The following ATF1 variants were observed in gnomAD, a reference collection of about 807,000 sequenced individuals.
ATF1 encodes activating transcription factor 1, also known as cyclic AMP-dependent transcription factor ATF-1.
ATF1 carries 16 observed loss-of-function variants against 34.7 expected under a neutral mutation model. The ratio of observed to expected loss-of-function variants is 0.46; its 90% CI spans 0.31 to 0.70. The LOEUF (loss-of-function observed/expected upper bound fraction) is 0.70. Ranked by LOEUF, ATF1 falls within the 30% of genes least tolerant of loss-of-function variation. The pLI is 0.05. For synonymous variants in ATF1, 105 were observed against 113.1 expected (o/e 0.93, Z 0.46); for missense variants, 255 against 321.6 (o/e 0.79, Z 1.58).
rs1192258164 is a variant in ATF1, at chr12:50,782,554, CTT to C, written c.93+2335_93+2336del. 8.9e-3 allele frequency among the ~76,000 whole-genome samples: 1,110 copies of C among 124,838 alleles called. 20 individuals are homozygous for C. The highest frequency in any genetic ancestry group is 0.031 in the African/African-American group (1,040 of 33,056). The allele number at this position is 124,838 out of a possible 152,430, so 81.9% of individuals were successfully genotyped here. ...ACAGGCCTGAGCCACCACACCCGGC[CTT>C]TTTTTTTTTTTTTTTTTTAGTAGAG... On this transcript the variant is annotated intron_variant, in intron 2 of 6. Transcript: ENST00000262053.
At chr12:50,810,394 T>C (rs61926335) in intron 4 of ATF1, among the ~76,000 whole-genome samples, 4,184 of 151,816 alleles carry the variant, frequency 0.028, 99 homozygotes, top group Non-Finnish European at 0.041. Context: ...ATTTTTGCAT[T>C]TTTAGTAGAG....
At chr12:50,800,746 A>G (rs1275493267) in intron 3 of ATF1, among the ~76,000 whole-genome samples, 1 of 152,218 alleles carries the variant, frequency 6.6e-6, no homozygotes, top group Non-Finnish European at 1.5e-5. Context: ...TATCCATGGA[A>G]AAATTGTCTT....
intron 4 of ATF1, among the ~76,000 whole-genome samples, chr12:50,810,365 GTA>G: frequency 6.6e-6 from 1 of 151,404 alleles, no homozygotes; most frequent in Non-Finnish European, 1.5e-5. Flanking sequence ...TTACAGGCGT[GTA>G]CCACTTCGCT....
rs866106630 is a variant in ATF1 at position 50,814,306 on chromosome 12, C to T, written c.538C>T (p.Gln180Ter). 2 of 1,614,214 alleles carry T rather than the reference C, an allele frequency of 1.2e-6. No homozygotes were observed. The highest frequency in any genetic ancestry group is 1.7e-6 in the Non-Finnish European group (2 of 1,180,032). ...QTASGDMQTY[Q>*]IRTTPSATSL... ...TGCATCAGGAGATATGCAAACATAT[C>T]AGATCCGAACTACACCTTCAGCTAC... Residue 180 changes from glutamine (Q) to a stop codon, truncating the protein, a stop_gained, in exon 6 of 7, where the codon CAG (glutamine) becomes TAG (stop). Coordinates refer to ENST00000262053, the MANE Select transcript of ATF1 (RefSeq NM_005171.5). LOFTEE classifies it high-confidence loss of function.
At chr12:50,766,646 TCCCTCCC>T (rs1940642760) in intron 1 of ATF1, among the ~76,000 whole-genome samples, 1 of 125,900 alleles carries the variant, frequency 7.9e-6, no homozygotes, top group South Asian at 3.0e-4. Flanking sequence ...CCCAATGCTA[TCCCTCCC>T]CCCTCCCCCC....
Position 50,816,592 on chromosome 12 carries a change from T to C in ATF1, c.671+2153T>C, listed in dbSNP as rs11169569. ...TCCATAAATATGCACAGAAACATTTTAATGGAAAAAACCATACAGGCCAGG... is the reference window on the plus strand; with the variant it reads ...TCCATAAATATGCACAGAAACATTTCAATGGAAAAAACCATACAGGCCAGG... On this transcript the variant is annotated intron_variant, in intron 6 of 6. Coordinates refer to ENST00000262053, the MANE Select transcript of ATF1 (RefSeq NM_005171.5). Among the ~76,000 whole-genome samples, 1,011 of 152,012 alleles carry C rather than the reference T, an allele frequency of 6.7e-3. 34 individuals are homozygous for C. The East Asian group carries it at 0.1, about 16-fold the overall frequency.
intron 2 of ATF1, among the ~76,000 whole-genome samples, chr12:50,782,001 C>T (rs145396015): frequency 2.7e-4 from 41 of 150,890 alleles, no homozygotes; most frequent in African/African-American, 9.2e-4. Flanking sequence ...GTTAACAATA[C>T]ACAAAGTTCA....
intron 4 of ATF1, among the ~76,000 whole-genome samples, chr12:50,811,928 A>G (rs942750944): frequency 4.6e-5 from 7 of 152,242 alleles, no homozygotes; most frequent in Non-Finnish European, 8.8e-5. Context: ...TTAGGGCAAC[A>G]TAGGCCAATA....
chr12:50,774,326 C>T (rs1940857048), intron 1 of ATF1, among the ~76,000 whole-genome samples: 1 of 152,264 alleles, frequency 6.6e-6, no homozygotes, highest in East Asian at 1.9e-4. Flanking sequence ...TGAGCCACCG[C>T]GCCCGGCTGC....
At chr12:50,811,388 T>C (rs1941734195) in intron 4 of ATF1, among the ~76,000 whole-genome samples, 1 of 152,166 alleles carries the variant, frequency 6.6e-6, no homozygotes, top group Non-Finnish European at 1.5e-5. Context: ...GAACCTTTTG[T>C]TTCATTCACA....
chr12:50,802,600 C>T (rs143991449), intron 3 of ATF1, among the ~76,000 whole-genome samples: 11 of 151,924 alleles, frequency 7.2e-5, no homozygotes, highest in East Asian at 5.8e-4. Context: ...AGGCTGGGAG[C>T]GGTGGCTCAC....
intron 1 of ATF1, among the ~76,000 whole-genome samples, chr12:50,774,177 A>G (rs1021328317): frequency 1.3e-5 from 2 of 151,896 alleles, no homozygotes; most frequent in Non-Finnish European, 2.9e-5. Context: ...AATTACAGGC[A>G]TGTGCCACCA....
intron 2 of ATF1, among the ~76,000 whole-genome samples, chr12:50,783,058 TCTCA>T (rs1463796478): frequency 7.2e-6 from 1 of 138,460 alleles, no homozygotes; most frequent in Non-Finnish European, 1.5e-5. Context: ...ATGCCATTTC[TCTCA>T]CTAATTTTTT....
At chr12:50,802,777 C>T (rs768056451) in intron 3 of ATF1, among the ~76,000 whole-genome samples, 3 of 132,310 alleles carry the variant, frequency 2.3e-5, no homozygotes, top group Non-Finnish European at 4.6e-5. Context: ...GAGGCTGAGG[C>T]AGAAGATTCA....
chr12:50,788,339 C>T (rs10747592), intron 2 of ATF1: 250,795 of 386,784 alleles, frequency 0.65, 82,136 homozygotes, highest in South Asian at 0.69. Flanking sequence ...TGTGCCATCA[C>T]ATCCGGCTAA....
intron 3 of ATF1, among the ~76,000 whole-genome samples, chr12:50,805,848 C>T (rs994552239): frequency 1.3e-5 from 2 of 151,852 alleles, no homozygotes; most frequent in Non-Finnish European, 2.9e-5. Context: ...ATTTGCATTA[C>T]AGTGTTGAGA....
intron 3 of ATF1, among the ~76,000 whole-genome samples, chr12:50,805,875 G>T (rs1408329476): frequency 6.6e-6 from 1 of 152,160 alleles, no homozygotes; most frequent in Non-Finnish European, 1.5e-5. Flanking sequence ...ATAAAGCCAG[G>T]CACAGTGGCT....
In ATF1 at chr12:50,820,022, T is replaced by C; in HGVS notation, c.*243T>C. The C allele has an allele frequency of 3.2e-6, 1 of 308,226 alleles. No homozygotes were observed. The highest frequency in any genetic ancestry group is 5.9e-6 in the Non-Finnish European group (1 of 169,072). 19.1% of individuals were successfully genotyped at this position (308,226 alleles called of 1,614,324 possible). ...CATATTCAAGGAGCAAGAAATGAAC[T>C]TTCAGCAGTCTAAATTTTCTAAATA... is the stretch of plus-strand genomic sequence containing the variant. On this transcript the variant is annotated 3_prime_UTR_variant, in exon 7 of 7. Coordinates refer to ENST00000262053, the MANE Select transcript of ATF1 (RefSeq NM_005171.5).
At chr12:50,815,132 AT>A (rs1187525749) in intron 6 of ATF1, among the ~76,000 whole-genome samples, 1 of 151,892 alleles carries the variant, frequency 6.6e-6, no homozygotes, top group East Asian at 1.9e-4. Flanking sequence ...AAAAAAAAAA[AT>A]TTTTTTAACT....
Sources: gnomAD v4.1 joint callset for allele counts (sites outside exome capture counted in the v4.1 genomes callset) on GRCh38, gnomAD v4.1.1 for gene constraint, MANE v1.5 for transcripts, NCBI Gene and HGNC (gene_info 2026-07-23, HGNC 2026-07-21) for gene names.